The following MORC1 variants were observed in gnomAD, a reference collection of about 807,000 sequenced individuals.
MORC1 encodes MORC family CW-type zinc finger protein 1.
Under a neutral mutation model 134.9 loss-of-function variants are expected in MORC1, and 59 were observed. The ratio of observed to expected loss-of-function variants is 0.44; its 90% CI spans 0.35 to 0.54. The LOEUF is 0.54. MORC1 is among the 20% of genes least tolerant of loss of function. The pLI, the probability that MORC1 is intolerant of heterozygous loss-of-function variation, is 0.00. For synonymous variants in MORC1, 395 were observed against 391.7 expected (o/e 1.01, Z -0.10); for missense variants, 947 against 1,134.5 (o/e 0.83, Z 2.37).
chr3:109,033,093 C>T (rs983259846), intron 15 of MORC1, among the ~76,000 whole-genome samples: 1 of 150,014 alleles, frequency 6.7e-6, no homozygotes, highest in South Asian at 2.1e-4. Context: ...TTAAATAATA[C>T]ATCCACTTCA....
At chr3:109,081,439 G>A (rs943067458) in intron 8 of MORC1, among the ~76,000 whole-genome samples, 1 of 148,582 alleles carries the variant, frequency 6.7e-6, no homozygotes, top group Non-Finnish European at 1.5e-5. Flanking sequence ...TTAGCAGATG[G>A]TACAAGAATT....
intron 17 of MORC1, chr3:109,018,966 A>C (rs2107574150): frequency 6.6e-6 from 1 of 152,314 alleles, no homozygotes; most frequent in Non-Finnish European, 1.5e-5. Context: ...ATGATCACCA[A>C]GAGCAAATGA....
rs1046687603 is a variant in MORC1, at chr3:109,049,601, G to A, written c.1330+5127C>T. ...GGCCTAATAAGGCGATAAACTTTAC[G>A]AGGGATAAATGTATGATTCTACACT... On this transcript the variant is annotated intron_variant, in intron 14 of 27. Transcript: ENST00000232603. Among the ~76,000 whole-genome samples the A allele has an allele frequency of 2.6e-4, 39 of 152,162 alleles. 1 individual carries two copies. Among genetic ancestry groups the A allele is most frequent in the Admixed American group, 2.5e-3 (38 of 15,278 alleles).
intron 14 of MORC1, among the ~76,000 whole-genome samples, chr3:109,044,383 C>A (rs575062414): frequency 1.3e-5 from 2 of 151,448 alleles, no homozygotes; most frequent in Non-Finnish European, 2.9e-5. Flanking sequence ...ACAGTGAAAC[C>A]CCATCTCTAC....
chr3:109,035,689 T>C (rs1248946710), intron 14 of MORC1, among the ~76,000 whole-genome samples: 2 of 152,190 alleles, frequency 1.3e-5, no homozygotes, highest in Non-Finnish European at 2.9e-5. Context: ...TTCCAAATTA[T>C]ATGCAGTAAA....
intron 17 of MORC1, among the ~76,000 whole-genome samples, chr3:109,011,093 T>C (rs1948670672): frequency 6.6e-6 from 1 of 152,220 alleles, no homozygotes; most frequent in South Asian, 2.1e-4. Context: ...CTTACTCCTA[T>C]AATCCCAACC....
intron 9 of MORC1, among the ~76,000 whole-genome samples, chr3:109,066,308 C>CA (rs1950194681): frequency 6.7e-6 from 1 of 148,572 alleles, no homozygotes; most frequent in African/African-American, 2.5e-5. Flanking sequence ...TTTTCTGAGA[C>CA]AGAGTTTCAC....
At chr3:109,050,420 C>T (rs1411905289) in intron 14 of MORC1, among the ~76,000 whole-genome samples, 2 of 152,136 alleles carry the variant, frequency 1.3e-5, no homozygotes, top group Non-Finnish European at 2.9e-5. Context: ...TTGAACATCA[C>T]ATGGAGAAGG....
Position 108,979,555 on chromosome 3 carries a change from G to A in MORC1, c.2437C>T (p.Pro813Ser). 6.2e-7 allele frequency: 1 copy of A among 1,614,062 alleles called. No individual in the cohort carries two copies. ...AGTTTTCTCACTGTTTCCTTGACAG[G>A]TGTGCTTTGAGAAGACGCTGGCGAA... ...ASSPASSQST[P>S]VKETVRKLKS... is the part of the protein sequence containing the mutation. The change falls in exon 24 of 28, where the codon CCT (proline) becomes TCT (serine). Residue 813 changes from proline (P) to serine (S), a missense_variant. Pro to Ser is a moderately conservative substitution (Grantham distance 74, BLOSUM62 -1). This residue lies in a region of MORC1 where 722 missense variants were observed against 817.0 expected (regional missense o/e 0.88). Transcript: ENST00000232603.
rs376275443 is a variant in MORC1 at position 109,105,252 on chromosome 3, C to T, written c.155-1335G>A. On this transcript the variant is annotated intron_variant, in intron 3 of 27. Coordinates refer to ENST00000232603, the MANE Select transcript of MORC1 (RefSeq NM_014429.4). ...TAAAAATAAAAAAATAGGCTGGGCACGGTGGCTCATGCCTGTAATCCCAGC... is the reference window on the plus strand; with the variant it reads ...TAAAAATAAAAAAATAGGCTGGGCATGGTGGCTCATGCCTGTAATCCCAGC... 4.6e-5 allele frequency among the ~76,000 whole-genome samples: 7 copies of T among 151,884 alleles called. No individual in the cohort carries two copies. The East Asian group carries it at 5.8e-4, about 13-fold the overall frequency.
chr3:109,097,214 A>G (rs1464114164), intron 6 of MORC1, among the ~76,000 whole-genome samples: 1 of 152,254 alleles, frequency 6.6e-6, no homozygotes, highest in African/African-American at 2.4e-5. Context: ...CGAATGGGTC[A>G]CATATAAGAT....
chr3:109,105,534 C>T (rs1951014691), intron 3 of MORC1, among the ~76,000 whole-genome samples: 1 of 151,320 alleles, frequency 6.6e-6, no homozygotes. Flanking sequence ...AAAAAAATAG[C>T]CAGGCATGGT....
At chr3:109,002,254 G>A (rs1948422953) in intron 20 of MORC1, among the ~76,000 whole-genome samples, 1 of 152,186 alleles carries the variant, frequency 6.6e-6, no homozygotes, top group Admixed American at 6.5e-5. Flanking sequence ...AGTTGCCAAA[G>A]AAAACACAAC....
chr3:109,036,934 G>T (rs1433445709), intron 14 of MORC1, among the ~76,000 whole-genome samples: 8 of 152,048 alleles, frequency 5.3e-5, no homozygotes, highest in African/African-American at 7.3e-5. Context: ...ATACTAATCT[G>T]CCGTGTTGAC....
At position 108,979,625 on chromosome 3, in the gene MORC1, T is replaced by C; in HGVS notation, c.2367A>G (p.Gly789=). ...CACTCACAGAAACTCTGGCTATGTG[T>C]CCAGAACTTAGATTCACATCTTCCA... ...VPMEDVNLSS[G]HIARVSVSGS... The change falls in exon 24 of 28, where the codon GGA becomes GGG. Residue 789 remains glycine (G), a synonymous_variant. Coordinates refer to ENST00000232603, the MANE Select transcript of MORC1 (RefSeq NM_014429.4). 1 of 1,614,136 alleles carries C rather than the reference T, an allele frequency of 6.2e-7. No homozygotes were observed. The highest frequency in any genetic ancestry group is 8.5e-7 in the Non-Finnish European group (1 of 1,180,002).
intron 14 of MORC1, chr3:109,049,167 T>C (rs1559919520): frequency 3.0e-6 from 3 of 985,042 alleles, no homozygotes; most frequent in East Asian, 2.3e-4. Context: ...TTCATTTTCC[T>C]GGTAGTCCCT....
chr3:108,995,533 T>C (rs1948176765), intron 21 of MORC1, among the ~76,000 whole-genome samples: 1 of 152,206 alleles, frequency 6.6e-6, no homozygotes, highest in Non-Finnish European at 1.5e-5. Flanking sequence ...GTGGTAAAGT[T>C]ATGACCACAA....
chr3:109,113,616 C>T (rs550759528), intron 2 of MORC1, among the ~76,000 whole-genome samples: 20 of 151,942 alleles, frequency 1.3e-4, no homozygotes, highest in Non-Finnish European at 2.2e-4. Context: ...AAAAAATCTT[C>T]TGTTATGGGG....
intron 17 of MORC1, among the ~76,000 whole-genome samples, chr3:109,011,841 A>G (rs954563247): frequency 6.6e-6 from 1 of 152,026 alleles, no homozygotes; most frequent in African/African-American, 2.4e-5. Flanking sequence ...AGTTCTCTCC[A>G]TACTCCAGAT....
Sources: gnomAD v4.1 joint callset for allele counts (sites outside exome capture counted in the v4.1 genomes callset) on GRCh38, gnomAD v4.1.1 for gene constraint, gnomAD v4.1.1 regional missense constraint, MANE v1.5 for transcripts, NCBI Gene and HGNC (gene_info 2026-07-23, HGNC 2026-07-21) for gene names.